The following GNPAT variants were observed in gnomAD, a reference collection of about 807,000 sequenced individuals.
GNPAT encodes the protein glyceronephosphate O-acyltransferase, also known as dihydroxyacetone phosphate acyltransferase.
In GNPAT, 30 loss-of-function variants were observed where a neutral mutation model predicts 78.4. The ratio of observed to expected loss-of-function variants is 0.38; its 90% CI spans 0.29 to 0.52. The LOEUF is 0.52. Among genes scored for constraint, GNPAT ranks in the 20% least tolerant of loss-of-function variants. The probability of loss-of-function intolerance (pLI) is 0.84; values close to 1 mark genes in which losing one functional copy is unlikely to be tolerated. For synonymous variants in GNPAT, 271 were observed against 281.1 expected (o/e 0.96, Z 0.36); for missense variants, 714 against 812.2 (o/e 0.88, Z 1.47).
Position 231,260,454 on chromosome 1 carries a change from G to A in GNPAT, c.262-53G>A. 6 of 1,267,194 alleles carry A rather than the reference G, an allele frequency of 4.7e-6. No individual in the cohort carries two copies. In the South Asian group the frequency reaches 5.9e-5, roughly 13 times the overall value. 78.5% of individuals were successfully genotyped at this position (1,267,194 alleles called of 1,614,324 possible). A position where few individuals can be genotyped will look rare whatever the true frequency, so the allele number is the denominator to read the frequency against. Reference sequence around the variant, plus strand: ...CATACTGGTTTGAGTAAAGCTTTCTGACTTTTCTGTTATTGTTGTTAGAAA... The same window carrying A: ...CATACTGGTTTGAGTAAAGCTTTCTAACTTTTCTGTTATTGTTGTTAGAAA... On this transcript the variant is annotated intron_variant, in intron 2 of 15. Coordinates refer to ENST00000366647, the MANE Select transcript of GNPAT (RefSeq NM_014236.4).
intron 1 of GNPAT, among the ~76,000 whole-genome samples, chr1:231,244,535 A>C (rs1022566499): frequency 1.3e-5 from 2 of 152,154 alleles, no homozygotes; most frequent in Non-Finnish European, 2.9e-5. Flanking sequence ...CATTGATAAG[A>C]AATATGGGGA....
intron 5 of GNPAT, 77 bp from the exon 6 acceptor site, chr1:231,265,634 GA>G: frequency 2.0e-6 from 2 of 980,578 alleles, no homozygotes; most frequent in South Asian, 1.3e-5. Context: ...GGGAGCTTGG[GA>G]AAAGGAATCA....
intron 1 of GNPAT, among the ~76,000 whole-genome samples, chr1:231,243,496 G>C (rs1684669861): frequency 1.3e-5 from 2 of 151,978 alleles, no homozygotes; most frequent in Non-Finnish European, 2.9e-5. Context: ...GCTAATGTTT[G>C]TATTTTTAGT....
intron 1 of GNPAT, among the ~76,000 whole-genome samples, chr1:231,249,405 TG>T: frequency 6.6e-6 from 1 of 152,246 alleles, no homozygotes; most frequent in Non-Finnish European, 1.5e-5. Context: ...TGCCAAATTG[TG>T]GTCTCAGTTA....
rs1337393674 is a variant in GNPAT at position 231,251,095 on chromosome 1, T to A, written c.213T>A (p.Ile71=). The A allele has an allele frequency of 3.1e-6, 5 of 1,597,528 alleles. No individual in the cohort carries two copies. The East Asian group carries it at 6.7e-5, about 21-fold the overall frequency. ...TTACTCCATGTAAACCAATTGATATTAAATGTAGTGTTCTCAATTCTGAGG... is the reference window on the plus strand; with the variant it reads ...TTACTCCATGTAAACCAATTGATATAAAATGTAGTGTTCTCAATTCTGAGG... ...KGITPCKPID[I]KCSVLNSEEI... is the part of the protein sequence containing the mutation. Residue 71 remains isoleucine (I), a synonymous_variant, in exon 2 of 16, where the codon ATT becomes ATA. Coordinates refer to ENST00000366647, the MANE Select transcript of GNPAT (RefSeq NM_014236.4).
In GNPAT at chr1:231,266,034, G is replaced by A. The variant is rs1300098841; in HGVS notation, c.793G>A (p.Glu265Lys). The change falls in exon 7 of 16, where the codon GAG (glutamate) becomes AAG (lysine). Residue 265 changes from glutamate (E) to lysine (K), a missense_variant. Transcript: ENST00000366647. ...TGCAGGTCTTCTGAATATTGTGATG[G>A]AGCCATTTTTTAAAAGAGAAGTTTT... ...PKFGLLNIVM[E>K]PFFKREVFDT... is the part of the protein sequence containing the mutation. The A allele has an allele frequency of 1.9e-6, 3 of 1,612,640 alleles. No individual in the cohort carries two copies. Among genetic ancestry groups the A allele is most frequent in the South Asian group, 1.1e-5 (1 of 91,054 alleles).
chr1:231,275,282 C>T lies in GNPAT; in HGVS notation c.1805C>T (p.Ala602Val). The stretch of plus-strand genomic sequence containing the variant: ...CACTTCAGTGAGGAACAGTACTTGG[C>T]TGCAGTCAGAAAATTCACAAGTCAG... ...EDHFSEEQYL[A>V]AVRKFTSQLL... The change falls in exon 13 of 16, where the codon GCT (alanine) becomes GTT (valine). Residue 602 changes from alanine (A) to valine (V), a missense_variant. By Grantham distance (64) the Ala-to-Val change is moderately conservative (BLOSUM62 0). Transcript: ENST00000366647. The T allele has an allele frequency of 1.9e-6, 3 of 1,612,966 alleles. No individual in the cohort carries two copies. Among genetic ancestry groups the T allele is most frequent in the Non-Finnish European group, 2.5e-6 (3 of 1,178,892 alleles).
intron 14 of GNPAT, among the ~76,000 whole-genome samples, chr1:231,275,914 C>G (rs920865888): frequency 6.6e-6 from 1 of 152,064 alleles, no homozygotes; most frequent in Non-Finnish European, 1.5e-5. Flanking sequence ...AGTGATAAAG[C>G]TTAATAGTAA....
chr1:231,253,175 T>C (rs1684948432), intron 2 of GNPAT, among the ~76,000 whole-genome samples: 1 of 151,946 alleles, frequency 6.6e-6, no homozygotes, highest in African/African-American at 2.4e-5. Context: ...TTCACCATGT[T>C]AGCAAGGATG....
intron 1 of GNPAT, among the ~76,000 whole-genome samples, chr1:231,250,259 G>A (rs1684857094): frequency 6.6e-6 from 1 of 151,890 alleles, no homozygotes; most frequent in South Asian, 2.1e-4. Context: ...AGCCAAGACT[G>A]TCTCTACAAA....
At chr1:231,258,917 A>G (rs952177236) in intron 2 of GNPAT, among the ~76,000 whole-genome samples, 3 of 151,848 alleles carry the variant, frequency 2.0e-5, no homozygotes, top group Non-Finnish European at 4.4e-5. Context: ...GATTACAGGC[A>G]TGAGCCACCA....
intron 4 of GNPAT, among the ~76,000 whole-genome samples, chr1:231,264,030 T>A (rs1177152085): frequency 1.3e-5 from 2 of 152,218 alleles, no homozygotes; most frequent in Non-Finnish European, 1.5e-5. Context: ...ATCTTCCATT[T>A]CATGGGTTAC....
At position 231,270,785 on chromosome 1, in the gene GNPAT, C is replaced by T. The variant is rs757791949; in HGVS notation, c.1307C>T (p.Pro436Leu). The T allele has an allele frequency of 1.3e-4, 210 of 1,613,842 alleles. No individual in the cohort carries two copies. Among genetic ancestry groups the T allele is most frequent in the Admixed American group, 8.7e-4 (52 of 59,988 alleles). The change falls in exon 10 of 16, where the codon CCG becomes CTG. Residue 436 changes from proline (P) to leucine (L), a missense_variant. By Grantham distance (98) the Pro-to-Leu change is moderately conservative (BLOSUM62 -3). Transcript: ENST00000366647. ...PDNKPAEEVV[P>L]ASILLHSNIA... ...AATAAACCTGCTGAAGAAGTTGTCC[C>T]GGCCAGCATTCTTCTGCATTCCAAC...
chr1:231,242,414 G>C (rs190539409), intron 1 of GNPAT, among the ~76,000 whole-genome samples: 1 of 152,336 alleles, frequency 6.6e-6, no homozygotes, highest in East Asian at 1.9e-4. Context: ...CCCCAGTTTT[G>C]AAAGAGAATA....
At chr1:231,261,553 C>T (rs931841980) in intron 3 of GNPAT, among the ~76,000 whole-genome samples, 3 of 151,850 alleles carry the variant, frequency 2.0e-5, no homozygotes, top group African/African-American at 7.3e-5. Flanking sequence ...GTTATGACTG[C>T]CAGGTTTCTC....
chr1:231,266,663 G>A (rs1232271178), intron 8 of GNPAT, among the ~76,000 whole-genome samples: 1 of 152,136 alleles, frequency 6.6e-6, no homozygotes, highest in Non-Finnish European at 1.5e-5. Flanking sequence ...TGTTTCTCAA[G>A]GGAACTAAAG....
At chr1:231,263,885 A>G (rs545426832) in intron 4 of GNPAT, among the ~76,000 whole-genome samples, 4 of 152,044 alleles carry the variant, frequency 2.6e-5, no homozygotes, top group Non-Finnish European at 2.9e-5. Flanking sequence ...GGCCATTTGT[A>G]TATCTTTGGA....
rs899284263 is a variant in GNPAT at position 231,262,958 on chromosome 1, T to C, written c.568+106T>C. The C allele has an allele frequency of 6.1e-5, 51 of 835,384 alleles. No individual in the cohort carries two copies. In the African/African-American group the frequency reaches 8.0e-4, roughly 13 times the overall value. 51.7% of individuals were successfully genotyped at this position (835,384 alleles called of 1,614,324 possible). A position where few individuals can be genotyped will look rare whatever the true frequency, so the allele number is the denominator to read the frequency against. On this transcript the variant is annotated intron_variant, in intron 4 of 15. Coordinates refer to ENST00000366647, the MANE Select transcript of GNPAT (RefSeq NM_014236.4). Reference sequence around the variant, plus strand: ...AGATGATGATGAAAATAGCCTCTCCTCCTTTCTTCCAGTCCTAGCACTGAA... The same window carrying C: ...AGATGATGATGAAAATAGCCTCTCCCCCTTTCTTCCAGTCCTAGCACTGAA...
In GNPAT at chr1:231,241,408, T is replaced by C. The variant is rs771518747; in HGVS notation, c.30T>C (p.Tyr10=). The change falls in exon 1 of 16, where the codon TAT becomes TAC. Residue 10 remains tyrosine (Y), a synonymous_variant. Transcript: ENST00000366647. ...AGTCTTCCAGTTCATCTAACTCTTA[T>C]TTCTCCGTTGGCCCAACCAGTCCCA... The part of the protein sequence containing the change: MESSSSSNS[Y]FSVGPTSPSA... 3.7e-6 allele frequency: 6 copies of C among 1,613,986 alleles called. No individual in the cohort carries two copies. The highest frequency in any genetic ancestry group is 5.1e-6 in the Non-Finnish European group (6 of 1,179,860).
Sources: allele counts gnomAD v4.1 joint callset (sites outside exome capture counted in the v4.1 genomes callset), GRCh38; gene constraint gnomAD v4.1.1; transcripts MANE v1.5; gene names NCBI Gene and HGNC (gene_info 2026-07-23, HGNC 2026-07-21).